The following INSC variants were observed in gnomAD, a reference collection of about 807,000 sequenced individuals.
The protein encoded by INSC is INSC spindle orientation adaptor protein.
Under a neutral mutation model 58.6 loss-of-function variants are expected in INSC, and 67 were observed. The ratio of observed to expected loss-of-function variants is 1.14; its 90% CI spans 0.94 to 1.40. INSC has a LOEUF of 1.40. INSC is among the 40% of genes most tolerant of loss of function. INSC has a pLI of 0.00. For synonymous variants in INSC, 262 were observed against 276.1 expected (o/e 0.95, Z 0.51); for missense variants, 714 against 692.0 (o/e 1.03, Z -0.36).
chr11:15,258,947 A>T, the INSC span, among the ~76,000 whole-genome samples: 2 of 152,214 alleles, frequency 1.3e-5, no homozygotes, highest in East Asian at 3.8e-4. Context: ...GGAAGGGACC[A>T]TGTGGTAACA....
intron 2 of INSC, among the ~76,000 whole-genome samples, chr11:15,173,253 G>A (rs532261230): frequency 9.9e-5 from 15 of 152,164 alleles, no homozygotes; most frequent in Admixed American, 2.0e-4. Flanking sequence ...AGATCAAAAT[G>A]CAGCAAGATG....
At chr11:15,221,149 G>T (rs1319002152) in intron 7 of INSC, among the ~76,000 whole-genome samples, 1 of 152,058 alleles carries the variant, frequency 6.6e-6, no homozygotes, top group Admixed American at 6.5e-5. Context: ...ATTTCTAAGT[G>T]ACTGTTCTTT....
intron 2 of INSC, among the ~76,000 whole-genome samples, chr11:15,163,867 C>T (rs563322259): frequency 4.6e-5 from 7 of 152,304 alleles, no homozygotes; most frequent in East Asian, 1.9e-4. Flanking sequence ...GGATTATAGG[C>T]GTGAGCCACC....
intron 4 of INSC, 63 bp downstream of exon 4, chr11:15,177,226 G>C (rs1624731): frequency 2.3e-6 from 3 of 1,292,940 alleles, no homozygotes. Context: ...AGAAGGGGCT[G>C]GTATCTTCTC....
At chr11:15,188,441 C>T in intron 5 of INSC, 1 of 741,270 alleles carries the variant, frequency 1.3e-6, no homozygotes, top group Non-Finnish European at 1.6e-6. Flanking sequence ...ACATAGGTAA[C>T]CTTAGTCAAG....
chr11:15,116,933 T>C (rs1392628027), intron 1 of INSC, among the ~76,000 whole-genome samples: 1 of 117,608 alleles, frequency 8.5e-6, no homozygotes. Flanking sequence ...CCTTCCTTCC[T>C]TCCTTCCTTC....
chr11:15,209,987 C>T (rs980571976), intron 7 of INSC, among the ~76,000 whole-genome samples: 4 of 152,278 alleles, frequency 2.6e-5, no homozygotes, highest in East Asian at 3.9e-4. Context: ...CAATTTGCAC[C>T]GGCTTTGCCC....
intron 1 of INSC, among the ~76,000 whole-genome samples, chr11:15,139,938 G>C (rs1373825386): frequency 6.6e-6 from 1 of 152,188 alleles, no homozygotes; most frequent in Non-Finnish European, 1.5e-5. Context: ...GCTTTCTTCT[G>C]TGGCTTAGGG....
chr11:15,261,953 G>A, the INSC span, among the ~76,000 whole-genome samples: 1 of 152,100 alleles, frequency 6.6e-6, no homozygotes, highest in Admixed American at 6.6e-5. Flanking sequence ...CAGGATATCT[G>A]GCCTAGTGGG....
At chr11:15,140,791 C>T (rs965699170) in intron 1 of INSC, among the ~76,000 whole-genome samples, 4 of 151,896 alleles carry the variant, frequency 2.6e-5, no homozygotes, top group Admixed American at 6.6e-5. Context: ...TGCTATGTAG[C>T]CCAGGCTGGC....
At chr11:15,142,276 C>G (rs868141712) in intron 1 of INSC, among the ~76,000 whole-genome samples, 1 of 152,188 alleles carries the variant, frequency 6.6e-6, no homozygotes, top group Non-Finnish European at 1.5e-5. Flanking sequence ...CCTTTTTCTG[C>G]ATTCCCGTGC....
In INSC at chr11:15,144,508, C is replaced by T. The variant is rs141007016; in HGVS notation, c.-45-4622C>T. 7.0e-3 allele frequency among the ~76,000 whole-genome samples: 1,068 copies of T among 152,276 alleles called. 7 individuals are homozygous for T. The highest frequency in any genetic ancestry group is 0.017 in the Middle Eastern group (5 of 294). ...CATATCTGTCTGGTGCTGTCCAACT[C>T]CTCTTCAACTCCCAGCAGCCTCCTC... is the stretch of plus-strand genomic sequence containing the variant. On this transcript the variant is annotated intron_variant, in intron 1 of 12. Coordinates refer to ENST00000379556, the MANE Select transcript of INSC (RefSeq NM_001042536.3).
chr11:15,247,948 G>T (rs531005577), downstream of INSC, among the ~76,000 whole-genome samples: 1 of 151,948 alleles, frequency 6.6e-6, no homozygotes, highest in Non-Finnish European at 1.5e-5. Context: ...AGACGGACTC[G>T]CTTTGTTCAT....
intron 2 of INSC, among the ~76,000 whole-genome samples, chr11:15,169,018 A>G (rs1323277074): frequency 6.6e-6 from 1 of 152,172 alleles, no homozygotes; most frequent in South Asian, 2.1e-4. Context: ...AGCTCTTCCT[A>G]CCCTTATGCC....
chr11:15,204,730 A>T (rs1792550), intron 7 of INSC, among the ~76,000 whole-genome samples: 103,208 of 152,142 alleles, frequency 0.68, 35,565 homozygotes, highest in East Asian at 0.96. Context: ...GTTCGTGGCC[A>T]AATTAGATCA....
At chr11:15,133,117 C>T (rs183078057) in intron 1 of INSC, among the ~76,000 whole-genome samples, 2 of 152,258 alleles carry the variant, frequency 1.3e-5, no homozygotes, top group Admixed American at 6.5e-5. Context: ...TCTCTCTTAA[C>T]TTTCTTTGCA....
intron 8 of INSC, among the ~76,000 whole-genome samples, chr11:15,223,167 G>T (rs1481747109): frequency 3.3e-5 from 5 of 152,204 alleles, no homozygotes; most frequent in Admixed American, 3.3e-4. Flanking sequence ...GAAAGGCATA[G>T]ACTTTTAAAG....
rs1458922921 is a variant in INSC, at chr11:15,229,991, A to AATAT, written c.1170+4163_1170+4164insATAT. 2.4e-3 allele frequency among the ~76,000 whole-genome samples: 67 copies of AATAT among 28,364 alleles called. 3 individuals carry two copies. Among genetic ancestry groups the AATAT allele is most frequent in the African/African-American group, 1.0e-2 (63 of 6,308 alleles). The allele number at this position is 28,364 out of a possible 152,430, so 18.6% of individuals were successfully genotyped here. On this transcript the variant is annotated intron_variant, in intron 9 of 12. Coordinates refer to ENST00000379556, the MANE Select transcript of INSC (RefSeq NM_001042536.3). ...ATATATATATATATTATATATATAT[A>AATAT]TATATATATATATATATATATAATA...
At chr11:15,168,681 A>G (rs1849285258) in intron 2 of INSC, among the ~76,000 whole-genome samples, 1 of 152,132 alleles carries the variant, frequency 6.6e-6, no homozygotes, top group Admixed American at 6.5e-5. Context: ...TATTTTGTGG[A>G]TGAAGAAATT....
Sources: gnomAD v4.1 joint callset for allele counts (sites outside exome capture counted in the v4.1 genomes callset) on GRCh38, gnomAD v4.1.1 for gene constraint, MANE v1.5 for transcripts, NCBI Gene and HGNC (gene_info 2026-07-23, HGNC 2026-07-21) for gene names.